RGS11: variants seen among roughly 807,000 people sequenced by gnomAD.
The protein encoded by RGS11 is regulator of G protein signaling 11.
A neutral mutation model predicts 71.1 loss-of-function variants in RGS11; 86 were observed. The observed-to-expected ratio is 1.21, with a 90% CI of 1.02 to 1.45. RGS11 has a LOEUF of 1.45. Ranked by LOEUF, RGS11 falls within the 40% of genes most tolerant of loss-of-function variation. The probability of loss-of-function intolerance (pLI) is 0.00; values close to 1 mark genes in which losing one functional copy is unlikely to be tolerated. For missense variants in RGS11, 734 were observed against 635.1 expected, an observed-to-expected ratio of 1.16 and a Z score of -1.67; for synonymous variants, 298 against 254.2, an observed-to-expected ratio of 1.17 and a Z score of -1.64.
At chr16:275,634 C>T (rs2052139780) in intron 1 of RGS11, 136 bp from the exon 2 acceptor site, 1 of 751,018 alleles carries the variant, frequency 1.3e-6, no homozygotes, top group South Asian at 2.0e-5. Context: ...CAGCTGGCGG[C>T]GGGGACGCGG....
At chr16:272,668 G>A (rs2051990819) in intron 9 of RGS11, 195 bp downstream of exon 9, 32 of 1,463,578 alleles carry the variant, frequency 2.2e-5, no homozygotes, top group Non-Finnish European at 2.8e-5. Context: ...CAGGTGGGAG[G>A]GGAGAGAAAG....
intron 4 of RGS11, chr16:274,606 G>A (rs764034534): frequency 2.5e-5 from 15 of 602,946 alleles, no homozygotes; most frequent in South Asian, 1.6e-4. Flanking sequence ...AGGTCGGCCC[G>A]GGACCCTGAT....
In RGS11 at chr16:273,971, C is replaced by CG. The variant is rs1398888996; in HGVS notation, c.429+71dup. The CG allele has an allele frequency of 3.0e-6, 4 of 1,342,440 alleles. No individual in the cohort carries two copies. In the East Asian group the frequency reaches 1.2e-4, roughly 40 times the overall value. The allele number at this position is 1,342,440 out of a possible 1,614,324, so 83.2% of individuals were successfully genotyped here. A position where few individuals can be genotyped will look rare whatever the true frequency, so the allele number is the denominator to read the frequency against. ...TGTTCTGGGGTAAACCGTGAAGCCC[C>CG]GGGGGGCCGTGAGTGAGGCTTGGGT... is the stretch of plus-strand genomic sequence containing the variant. On this transcript the variant is annotated intron_variant, in intron 6 of 16. Coordinates refer to ENST00000397770, the MANE Select transcript of RGS11 (RefSeq NM_183337.3).
Position 269,347 on chromosome 16 carries a change from G to A in RGS11, c.1326C>T (p.Ser442=). The A allele has an allele frequency of 6.2e-7, 1 of 1,603,488 alleles. No homozygotes were observed. The highest frequency in any genetic ancestry group is 1.1e-5 in the South Asian group (1 of 89,486). Residue 442 remains serine (S), a synonymous_variant, in exon 17 of 17, where the codon AGC becomes AGT. Transcript: ENST00000397770. Reference sequence around the variant, plus strand: ...GGGTGGGAAGGAGTGCAGGGCTGGGGCTCGAGTGCCGTGGCCTCCACGTAA... The same window carrying A: ...GGGTGGGAAGGAGTGCAGGGCTGGGACTCGAGTGCCGTGGCCTCCACGTAA... ...FPFTWRPRHS[S]PSPALLPTPV...
Position 270,850 on chromosome 16 carries a change from A to C in RGS11, c.980-19T>G, listed in dbSNP as rs376949822. On this transcript the variant is annotated intron_variant, in intron 13 of 16. Coordinates refer to ENST00000397770, the MANE Select transcript of RGS11 (RefSeq NM_183337.3). Reference sequence around the variant, plus strand: ...TTTTCTCCTGGGGGGCCGGGCACCCAGTCAAGGATCCCATCGAGAGTGGCA... The same window carrying C: ...TTTTCTCCTGGGGGGCCGGGCACCCCGTCAAGGATCCCATCGAGAGTGGCA... 13 of 1,607,376 alleles carry C rather than the reference A, an allele frequency of 8.1e-6. No individual in the cohort carries two copies. The highest frequency in any genetic ancestry group is 7.6e-6 in the Non-Finnish European group (9 of 1,177,740).
intron 9 of RGS11, chr16:272,116 G>T: frequency 1.8e-6 from 2 of 1,124,536 alleles, no homozygotes; most frequent in South Asian, 2.0e-5. Context: ...GATTAGAGAC[G>T]TGAGCCACCG....
In RGS11 at chr16:275,422, A is replaced by G. The variant is rs751136049; in HGVS notation, c.140T>C (p.Val47Ala). ...CTCACCTGTCACCGCGTGGGGAATG[A>G]CGGTGACCAGCAGGCGCTGGCTCCG... ...KMRSQRLLVT[V>A]IPHAVTGSDV... The change falls in exon 2 of 17, where the codon GTC becomes GCC. Residue 47 changes from valine (V) to alanine (A), a missense_variant. By Grantham distance (64) the Val-to-Ala change is moderately conservative. Coordinates refer to ENST00000397770, the MANE Select transcript of RGS11 (RefSeq NM_183337.3). 1.2e-6 allele frequency: 2 copies of G among 1,603,754 alleles called. No homozygotes were observed. Among genetic ancestry groups the G allele is most frequent in the Non-Finnish European group, 1.7e-6 (2 of 1,179,048 alleles).
At position 269,098 on chromosome 16, in the gene RGS11, G is replaced by T; in HGVS notation, c.*171C>A. 1.1e-6 allele frequency: 1 copy of T among 915,734 alleles called. No individual in the cohort carries two copies. The highest frequency in any genetic ancestry group is 1.8e-6 in the Non-Finnish European group (1 of 571,048). 56.7% of individuals were successfully genotyped at this position (915,734 alleles called of 1,614,324 possible). A position where few individuals can be genotyped will look rare whatever the true frequency, so the allele number is the denominator to read the frequency against. On this transcript the variant is annotated 3_prime_UTR_variant, in exon 17 of 17. Transcript: ENST00000397770. ...CATTCCTTCTGGGCAGGGAGGGCTT[G>T]CTGGAGGGAGGGAGGCTGTGCACCC...
chr16:271,187 C>A lies in RGS11; in HGVS notation c.863+15G>T. The A allele has an allele frequency of 6.2e-7, 1 of 1,611,278 alleles. No homozygotes were observed. The highest frequency in any genetic ancestry group is 1.1e-5 in the South Asian group (1 of 90,986). ...GGGAGCACACCCGCAGTCCCGCTGC[C>A]CCGCCTGGGCTCACGTGGGGGCATT... is the stretch of plus-strand genomic sequence containing the variant. On this transcript the variant is annotated intron_variant, in intron 12 of 16. Coordinates refer to ENST00000397770, the MANE Select transcript of RGS11 (RefSeq NM_183337.3).
intron 1 of RGS11, 65 bp downstream of exon 1, chr16:275,784 C>T (rs1456272132): frequency 1.1e-5 from 6 of 549,058 alleles, no homozygotes; most frequent in Non-Finnish European, 1.5e-5. Flanking sequence ...CCCATGCTCT[C>T]CGGCCCCTCC....
Position 269,570 on chromosome 16 carries a change from A to G in RGS11, c.1222T>C (p.Phe408Leu). Residue 408 changes from phenylalanine (F) to leucine (L), a missense_variant, in exon 16 of 17, where the codon TTC becomes CTC. Transcript: ENST00000397770. ...MLMKKDSYPR[F>L]LKSDMYKALL... is the part of the protein sequence containing the mutation. The stretch of plus-strand genomic sequence containing the variant: ...GCCTTGTACATGTCAGACTTCAGGA[A>G]CCTTGGGTAGGAGTCCTACAAGAGA... The G allele has an allele frequency of 6.2e-7, 1 of 1,613,176 alleles. No homozygotes were observed. Among genetic ancestry groups the G allele is most frequent in the Non-Finnish European group, 8.5e-7 (1 of 1,179,810 alleles).
intron 15 of RGS11, 54 bp from the exon 16 acceptor site, chr16:269,639 A>G (rs2051825957): frequency 7.3e-7 from 1 of 1,363,084 alleles, no homozygotes; most frequent in African/African-American, 1.4e-5. Context: ...CCTCTCAGCC[A>G]GCTCCACCCG....
At position 275,099 on chromosome 16, in the gene RGS11, C is replaced by G. The variant is rs183205416; in HGVS notation, c.212-17G>C. ...GCAGGGCCTCTGGGGAGGGGTGGGA[C>G]GGTGAGCGCGGGGCCGCGGAAGCGG... is the stretch of plus-strand genomic sequence containing the variant. On this transcript the variant is annotated splice_polypyrimidine_tract_variant and intron_variant, in intron 3 of 16. Transcript: ENST00000397770. 1.4e-3 allele frequency: 2,088 copies of G among 1,477,474 alleles called. 23 individuals are homozygous for G. The African/African-American group carries it at 0.025, about 18-fold the overall frequency. 91.5% of individuals were successfully genotyped at this position (1,477,474 alleles called of 1,614,324 possible). A position where few individuals can be genotyped will look rare whatever the true frequency, so the allele number is the denominator to read the frequency against.
chr16:273,328 C>G, intron 8 of RGS11, 147 bp downstream of exon 8: 2 of 638,626 alleles, frequency 3.1e-6, no homozygotes, highest in Admixed American at 2.9e-5. Flanking sequence ...AACTAAGTCA[C>G]GAAGTGAAAA....
Position 271,107 on chromosome 16 carries a change from G to C in RGS11, c.864-8C>G. On this transcript the variant is annotated splice_region_variant and splice_polypyrimidine_tract_variant and intron_variant, in intron 12 of 16. Coordinates refer to ENST00000397770, the MANE Select transcript of RGS11 (RefSeq NM_183337.3). ...TTCGTGGGGGCAGCCACCCTGGGGA[G>C]AGGGCAGGGCTGTTGGGGAGGGTGG... The C allele has an allele frequency of 6.2e-7, 1 of 1,610,022 alleles. No individual in the cohort carries two copies. The highest frequency in any genetic ancestry group is 8.5e-7 in the Non-Finnish European group (1 of 1,178,174).
In RGS11 at chr16:270,842, G is replaced by A. The variant is rs555577763; in HGVS notation, c.980-11C>T. 412 of 1,608,138 alleles carry A rather than the reference G, an allele frequency of 2.6e-4. 1 individual carries two copies. Among genetic ancestry groups the A allele is most frequent in the Non-Finnish European group, 3.3e-4 (392 of 1,178,120 alleles). Reference sequence around the variant, plus strand: ...AGCTGAGGTTTTCTCCTGGGGGGCCGGGCACCCAGTCAAGGATCCCATCGA... The same window carrying A: ...AGCTGAGGTTTTCTCCTGGGGGGCCAGGCACCCAGTCAAGGATCCCATCGA... On this transcript the variant is annotated splice_polypyrimidine_tract_variant and intron_variant, in intron 13 of 16. Coordinates refer to ENST00000397770, the MANE Select transcript of RGS11 (RefSeq NM_183337.3).
chr16:274,646 C>A, intron 4 of RGS11: 1 of 650,058 alleles, frequency 1.5e-6, no homozygotes. Flanking sequence ...ATGCTGTCCT[C>A]AGGCCTTCAC....
In RGS11 at chr16:268,598, A is replaced by G; in HGVS notation, c.*671T>C. 1 of 632,288 alleles carries G rather than the reference A, an allele frequency of 1.6e-6. No homozygotes were observed. The allele number at this position is 632,288 out of a possible 1,614,324, so 39.2% of individuals were successfully genotyped here. A position where few individuals can be genotyped will look rare whatever the true frequency, so the allele number is the denominator to read the frequency against. On this transcript the variant is annotated 3_prime_UTR_variant, in exon 17 of 17. Coordinates refer to ENST00000397770, the MANE Select transcript of RGS11 (RefSeq NM_183337.3). Reference sequence around the variant, plus strand: ...ATCGGGCCTCGTCAGTGGGGTGACAATGTCAGAGTTGTCTATAAATCGGGG... The same window carrying G: ...ATCGGGCCTCGTCAGTGGGGTGACAGTGTCAGAGTTGTCTATAAATCGGGG...
rs540264196 is a variant in RGS11 at position 273,698 on chromosome 16, G to A, written c.506+62C>T. On this transcript the variant is annotated intron_variant, in intron 7 of 16. Coordinates refer to ENST00000397770, the MANE Select transcript of RGS11 (RefSeq NM_183337.3). ...GGGCCACCGGAGCCTGGCCTGGGCT[G>A]GGCTTCCCGGGTAGCCTGGGTTGGG... is the stretch of plus-strand genomic sequence containing the variant. 5.7e-6 allele frequency: 9 copies of A among 1,565,724 alleles called. No homozygotes were observed. The East Asian group carries it at 2.0e-4, about 35-fold the overall frequency.
Sources: gnomAD v4.1 joint callset for allele counts on GRCh38, gnomAD v4.1.1 for gene constraint, MANE v1.5 for transcripts, NCBI Gene and HGNC (gene_info 2026-07-23, HGNC 2026-07-21) for gene names.